Variants in LARGE1 observed in about 807,000 individuals in gnomAD.
The protein encoded by LARGE1 is LARGE xylosyl- and glucuronyltransferase 1.
Under a neutral mutation model 87.6 loss-of-function variants are expected in LARGE1, and 43 were observed. The observed-to-expected ratio is 0.49, with a 90% confidence interval of 0.38 to 0.63. The LOEUF (loss-of-function observed/expected upper bound fraction) is 0.63, where lower values mean the gene tolerates loss of function less well. Ranked by LOEUF, LARGE1 falls within the 30% of genes least tolerant of loss-of-function variation. The pLI is 0.00. For missense variants in LARGE1, 802 were observed against 1,000.2 expected, an observed-to-expected ratio of 0.80 and a Z score of 2.67; for synonymous variants, 434 against 394.6, an observed-to-expected ratio of 1.10 and a Z score of -1.18.
chr22:33,867,924 C>T (rs967184484), intron 1 of LARGE1, among the ~76,000 whole-genome samples: 2 of 152,064 alleles, frequency 1.3e-5, no homozygotes, highest in Non-Finnish European at 2.9e-5. Flanking sequence ...CACTATCTAT[C>T]GGGGCCACCT....
Position 33,807,615 on chromosome 22 carries a change from T to C in LARGE1, c.-82-46057A>G, listed in dbSNP as rs906745761. On this transcript the variant is annotated intron_variant, in intron 1 of 14. Transcript: ENST00000397394. ...GAGGAATATGTAATTACACATATCA[T>C]ACAGAGTAGTTTTACTGCGCTAAAA... Among the ~76,000 whole-genome samples, 2 of 152,234 alleles carry C rather than the reference T, an allele frequency of 1.3e-5. 1 individual carries two copies.
chr22:33,291,784 G>A (rs761577828), intron 12 of LARGE1, among the ~76,000 whole-genome samples: 93 of 151,804 alleles, frequency 6.1e-4, no homozygotes, highest in Non-Finnish European at 9.7e-4. Flanking sequence ...CCCTCTGCAG[G>A]ATGCAGTGTT....
the LARGE1 span, among the ~76,000 whole-genome samples, chr22:33,100,884 G>T: frequency 6.7e-6 from 1 of 149,810 alleles, no homozygotes; most frequent in Non-Finnish European, 1.5e-5. Flanking sequence ...TTGTTGCCCA[G>T]GCTGGAGTGC....
At chr22:33,664,590 G>C (rs2081215314) in intron 2 of LARGE1, among the ~76,000 whole-genome samples, 1 of 152,146 alleles carries the variant, frequency 6.6e-6, no homozygotes, top group African/African-American at 2.4e-5. Context: ...ATCAGGGCCG[G>C]GCACAGTGGC....
At chr22:33,866,227 A>G (rs189017551) in intron 1 of LARGE1, among the ~76,000 whole-genome samples, 53 of 152,206 alleles carry the variant, frequency 3.5e-4, no homozygotes, top group Middle Eastern at 3.4e-3. Flanking sequence ...AGCCTCCTAA[A>G]GCACTGGGAT....
intron 2 of LARGE1, among the ~76,000 whole-genome samples, chr22:33,669,181 T>C (rs1249710879): frequency 6.6e-6 from 1 of 152,250 alleles, no homozygotes; most frequent in Non-Finnish European, 1.5e-5. Flanking sequence ...TCCCTCAGCT[T>C]CAATTAACTG....
the LARGE1 span, among the ~76,000 whole-genome samples, chr22:33,100,349 CAAAAA>C: frequency 1.5e-5 from 1 of 65,318 alleles, no homozygotes; most frequent in Non-Finnish European, 2.7e-5. Flanking sequence ...GACTCCATCT[CAAAAA>C]AAAAAAAAAA....
At chr22:33,257,587 C>G (rs538960942) in intron 11 of LARGE1, among the ~76,000 whole-genome samples, 205 of 152,182 alleles carry the variant, frequency 1.3e-3, no homozygotes, top group African/African-American at 4.7e-3. Context: ...ACGCATCTGC[C>G]CAGAGGACAC....
intron 11 of LARGE1, among the ~76,000 whole-genome samples, chr22:33,248,958 C>T (rs906788145): frequency 6.6e-6 from 1 of 152,216 alleles, no homozygotes; most frequent in Non-Finnish European, 1.5e-5. Context: ...CATTTACCTA[C>T]TGAAGGATAT....
At chr22:33,457,293 CTTTTT>C (rs759460321) in intron 6 of LARGE1, among the ~76,000 whole-genome samples, 171 of 74,860 alleles carry the variant, frequency 2.3e-3, no homozygotes, top group South Asian at 0.012. Context: ...ACGCCTGGCT[CTTTTT>C]TTTTTTTTTT....
At chr22:33,370,454 C>G (rs935446506) in intron 9 of LARGE1, among the ~76,000 whole-genome samples, 2 of 152,140 alleles carry the variant, frequency 1.3e-5, no homozygotes, top group Non-Finnish European at 2.9e-5. Flanking sequence ...AAAAATCAAA[C>G]TGCTTTATCC....
At chr22:33,373,098 C>G (rs886878596) in intron 9 of LARGE1, among the ~76,000 whole-genome samples, 1 of 151,948 alleles carries the variant, frequency 6.6e-6, no homozygotes, top group African/African-American at 2.4e-5. Context: ...GAGTAAGTCA[C>G]GATAAAGTTT....
chr22:33,656,787 T>C (rs2080972801), intron 2 of LARGE1, among the ~76,000 whole-genome samples: 1 of 152,262 alleles, frequency 6.6e-6, no homozygotes, highest in African/African-American at 2.4e-5. Context: ...GACAACATCA[T>C]CCTCCTCCCT....
At chr22:33,304,108 C>A in intron 12 of LARGE1, 121 bp downstream of exon 12, 1 of 1,140,366 alleles carries the variant, frequency 8.8e-7, no homozygotes, top group Non-Finnish European at 1.3e-6. Context: ...TGGGTCTCTG[C>A]TGCCCCATCT....
At chr22:33,810,353 C>T (rs937632163) in intron 1 of LARGE1, among the ~76,000 whole-genome samples, 1 of 152,056 alleles carries the variant, frequency 6.6e-6, no homozygotes, top group Non-Finnish European at 1.5e-5. Context: ...TCTGGACCTC[C>T]GCTGAAGGCA....
chr22:33,302,007 C>G (rs2086767513), intron 12 of LARGE1, among the ~76,000 whole-genome samples: 1 of 152,206 alleles, frequency 6.6e-6, no homozygotes, highest in South Asian at 2.1e-4. Flanking sequence ...AGCTCACTTT[C>G]AATTGGCTGG....
chr22:33,638,269 C>A (rs80231), intron 3 of LARGE1, among the ~76,000 whole-genome samples: 101,460 of 152,114 alleles, frequency 0.67, 34,713 homozygotes, highest in African/African-American at 0.81. Flanking sequence ...ATAGGTGAGA[C>A]GCATCAAGTT....
intron 1 of LARGE1, among the ~76,000 whole-genome samples, chr22:33,851,401 T>C (rs551620259): frequency 2.8e-4 from 43 of 152,336 alleles, no homozygotes; most frequent in Non-Finnish European, 8.8e-5. Flanking sequence ...AACCTTTGCA[T>C]TTCTGCCTTC....
At chr22:33,916,926 G>A (rs1033644526) in intron 1 of LARGE1, among the ~76,000 whole-genome samples, 1 of 152,184 alleles carries the variant, frequency 6.6e-6, no homozygotes, top group African/African-American at 2.4e-5. Flanking sequence ...CTGTGCCCAA[G>A]AGAATCAATC....
Sources: gnomAD v4.1 joint callset for allele counts (sites outside exome capture counted in the v4.1 genomes callset) on GRCh38, gnomAD v4.1.1 for gene constraint, MANE v1.5 for transcripts, NCBI Gene and HGNC (gene_info 2026-07-23, HGNC 2026-07-21) for gene names.